The following MARCHF10 variants were observed in gnomAD, a reference collection of about 807,000 sequenced individuals.
MARCHF10 encodes the protein probable E3 ubiquitin-protein ligase MARCHF10.
A neutral mutation model predicts 76.2 loss-of-function variants in MARCHF10; 64 were observed. That is an observed-to-expected ratio of 0.84 (90% CI 0.69 to 1.03). The LOEUF is 1.03. Ranked by LOEUF, MARCHF10 falls within the 50% of genes least tolerant of loss-of-function variation. The pLI is 0.00. For synonymous variants in MARCHF10, 340 were observed against 357.5 expected (o/e 0.95, Z 0.55); for missense variants, 875 against 958.0 (o/e 0.91, Z 1.14).
chr17:62,757,014 A>G (rs575453872), intron 4 of MARCHF10, among the ~76,000 whole-genome samples: 1 of 152,304 alleles, frequency 6.6e-6, no homozygotes, highest in South Asian at 2.1e-4. Flanking sequence ...CTATATTTTA[A>G]ATAGTTGTTT....
rs1398838523 is a variant in MARCHF10, at chr17:62,737,156, C to A, written c.712G>T (p.Ala238Ser). The change falls in exon 6 of 11, where the codon GCC (alanine) becomes TCC (serine). Residue 238 changes from alanine (A) to serine (S), a missense_variant. Ala to Ser is a moderately conservative substitution (Grantham distance 99, BLOSUM62 1). Coordinates refer to ENST00000311269, the MANE Select transcript of MARCHF10 (RefSeq NM_152598.4). ...TGAGGACTATTTTTTCCTTGGAAGG[C>A]CTGGGACAGGGCTGGATGCAGCTCA... ...QSELHPALSQ[A>S]FQGKNSPQVL... 6.2e-7 allele frequency: 1 copy of A among 1,613,840 alleles called. No homozygotes were observed. The highest frequency in any genetic ancestry group is 1.7e-5 in the Admixed American group (1 of 59,966).
chr17:62,708,243 C>CTTTTTT (rs60147578), intron 9 of MARCHF10, among the ~76,000 whole-genome samples: 3 of 144,568 alleles, frequency 2.1e-5, no homozygotes, highest in Non-Finnish European at 1.5e-5. Flanking sequence ...AAAGTAGGTT[C>CTTTTTT]TTTTTTTTTT....
chr17:62,795,121 T>C (rs1229695039), intron 2 of MARCHF10: 1 of 927,776 alleles, frequency 1.1e-6, no homozygotes, highest in African/African-American at 1.8e-5. Flanking sequence ...CTCCAAACCC[T>C]TGCCACCCGC....
At chr17:62,735,660 T>C (rs2091229373) in intron 6 of MARCHF10, 1 of 426,520 alleles carries the variant, frequency 2.3e-6, no homozygotes. Flanking sequence ...CAGAGATCCT[T>C]ATACCCAGCA....
chr17:62,781,299 C>T (rs2092654424), intron 3 of MARCHF10, among the ~76,000 whole-genome samples: 1 of 152,180 alleles, frequency 6.6e-6, no homozygotes, highest in African/African-American at 2.4e-5. Flanking sequence ...TATATTTGGA[C>T]ACCAAGGCAG....
At chr17:62,730,344 A>G (rs1234758113) in intron 6 of MARCHF10, among the ~76,000 whole-genome samples, 1 of 152,244 alleles carries the variant, frequency 6.6e-6, no homozygotes, top group Non-Finnish European at 1.5e-5. Flanking sequence ...AGCATTTCAA[A>G]TTAGTAAGGA....
intron 4 of MARCHF10, chr17:62,750,140 C>G (rs767646231): frequency 2.6e-5 from 4 of 153,438 alleles, no homozygotes; most frequent in Admixed American, 2.0e-4. Flanking sequence ...ACCTGCCTTC[C>G]GGAAGCCCGA....
chr17:62,723,108 G>C (rs934464919), intron 7 of MARCHF10, among the ~76,000 whole-genome samples: 2 of 151,614 alleles, frequency 1.3e-5, no homozygotes, highest in Non-Finnish European at 2.9e-5. Context: ...GAGGGAGCGA[G>C]GGGCCAGGTG....
intron 3 of MARCHF10, among the ~76,000 whole-genome samples, chr17:62,760,338 C>CT (rs1157540805): frequency 6.6e-6 from 1 of 152,104 alleles, no homozygotes; most frequent in African/African-American, 2.4e-5. Context: ...TTTTAAACTT[C>CT]TTATTGTTTG....
chr17:62,756,142 G>A (rs546920562), intron 4 of MARCHF10, among the ~76,000 whole-genome samples: 4 of 152,286 alleles, frequency 2.6e-5, no homozygotes, highest in African/African-American at 9.6e-5. Flanking sequence ...CAGCTACTCG[G>A]GAGGCTGAGG....
At chr17:62,743,322 A>G (rs367547238) in intron 5 of MARCHF10, among the ~76,000 whole-genome samples, 1 of 152,334 alleles carries the variant, frequency 6.6e-6, no homozygotes, top group East Asian at 1.9e-4. Flanking sequence ...TTCAATATGT[A>G]TATATGTCCA....
At chr17:62,706,659 C>T (rs1223659941) in intron 9 of MARCHF10, among the ~76,000 whole-genome samples, 2 of 152,172 alleles carry the variant, frequency 1.3e-5, no homozygotes, top group Non-Finnish European at 2.9e-5. Context: ...TAGATCGTAC[C>T]TGCCCCTCCG....
chr17:62,764,878 G>C (rs1003283959), intron 3 of MARCHF10, among the ~76,000 whole-genome samples: 5 of 152,292 alleles, frequency 3.3e-5, no homozygotes, highest in African/African-American at 1.2e-4. Flanking sequence ...TTGTACGCTT[G>C]GACAATAAAG....
intron 4 of MARCHF10, among the ~76,000 whole-genome samples, chr17:62,752,449 G>A (rs1217632639): frequency 1.3e-5 from 2 of 152,130 alleles, no homozygotes; most frequent in African/African-American, 2.4e-5. Context: ...CGCAAAAGGG[G>A]ACCCACCCTC....
rs533990657 is a variant in MARCHF10, at chr17:62,738,515, T to C, written c.536-1183A>G. On this transcript the variant is annotated intron_variant, in intron 5 of 10. Coordinates refer to ENST00000311269, the MANE Select transcript of MARCHF10 (RefSeq NM_152598.4). This position sits in a 1 kb window ranked among gnomAD's most constrained non-coding sequence, Gnocchi z 4.0. ...GGATCTGATGAGATGCTGCTCTTTT[T>C]ATCATTCCATTTCTAAAGCGGTTCA... 4.6e-4 allele frequency among the ~76,000 whole-genome samples: 70 copies of C among 152,328 alleles called. No homozygotes were observed. The highest frequency in any genetic ancestry group is 1.6e-3 in the African/African-American group (68 of 41,568).
chr17:62,803,761 C>T (rs1186308866), intron 1 of MARCHF10, among the ~76,000 whole-genome samples: 3 of 152,156 alleles, frequency 2.0e-5, no homozygotes, highest in African/African-American at 7.2e-5. Context: ...GGTGATCTGC[C>T]CACCTTGGCC....
chr17:62,786,635 ATAC>A (rs1179989474), intron 3 of MARCHF10, among the ~76,000 whole-genome samples: 1 of 152,236 alleles, frequency 6.6e-6, no homozygotes, highest in Non-Finnish European at 1.5e-5. Context: ...ACTATTATGT[ATAC>A]AACCATGACC....
At chr17:62,742,741 C>T (rs930200622) in intron 5 of MARCHF10, among the ~76,000 whole-genome samples, 5 of 151,388 alleles carry the variant, frequency 3.3e-5, no homozygotes, top group African/African-American at 1.2e-4. Context: ...CTCCATTGCC[C>T]AGGTTGGAGT....
intron 6 of MARCHF10, among the ~76,000 whole-genome samples, chr17:62,725,799 A>G (rs917750875): frequency 3.3e-5 from 5 of 152,226 alleles, no homozygotes; most frequent in African/African-American, 1.2e-4. Flanking sequence ...CCAGCCTCTG[A>G]AACTTGTGAG....
Sources: gnomAD v4.1 joint callset for allele counts (sites outside exome capture counted in the v4.1 genomes callset) on GRCh38, gnomAD v4.1.1 for gene constraint, Gnocchi (gnomAD v3.1) non-coding constraint, MANE v1.5 for transcripts, NCBI Gene and HGNC (gene_info 2026-07-23, HGNC 2026-07-21) for gene names.